The following RBL1 variants were observed in gnomAD, a reference collection of about 807,000 sequenced individuals.
RBL1 encodes the protein retinoblastoma-like protein 1.
RBL1 carries 82 observed loss-of-function variants against 123.0 expected under a neutral mutation model. The ratio of observed to expected loss-of-function variants is 0.67; its 90% confidence interval spans 0.56 to 0.80. RBL1 has a LOEUF of 0.80. RBL1 is among the 30% of genes least tolerant of loss of function. The pLI is 0.00. For missense variants in RBL1, 1,171 were observed against 1,299.6 expected, an observed-to-expected ratio of 0.90 and a Z score of 1.52; for synonymous variants, 405 against 441.3, an observed-to-expected ratio of 0.92 and a Z score of 1.03.
chr20:37,067,335 T>C (rs754989664), intron 3 of RBL1, 38 bp from the exon 4 acceptor site: 2 of 1,418,112 alleles, frequency 1.4e-6, no homozygotes, highest in South Asian at 1.2e-5. Context: ...TCTGACTAGC[T>C]CGCTAAATAT....
chr20:37,083,328 C>T (rs937422151), intron 2 of RBL1, among the ~76,000 whole-genome samples: 38 of 151,226 alleles, frequency 2.5e-4, no homozygotes, highest in Non-Finnish European at 3.2e-4. Flanking sequence ...ATTACCTGAG[C>T]GTGATGAAAT....
Position 37,094,299 on chromosome 20 carries a change from C to T in RBL1, c.156+1474G>A, listed in dbSNP as rs143104094. Among the ~76,000 whole-genome samples, 234 of 152,282 alleles carry T rather than the reference C, an allele frequency of 1.5e-3. 1 individual carries two copies. The highest frequency in any genetic ancestry group is 5.4e-3 in the African/African-American group (223 of 41,554). ...AAAATCAATCTGTTTTCAATTGAGA[C>T]GCCATTCATTCTAATCTCCCTTACT... On this transcript the variant is annotated intron_variant, in intron 1 of 21. Transcript: ENST00000373664.
At position 37,047,121 on chromosome 20, in the gene RBL1, A is replaced by T. The variant is rs1171049682; in HGVS notation, c.1537T>A (p.Tyr513Asn). 6.2e-7 allele frequency: 1 copy of T among 1,606,950 alleles called. No individual in the cohort carries two copies. Among genetic ancestry groups the T allele is most frequent in the African/African-American group, 1.3e-5 (1 of 74,484 alleles). The change falls in exon 12 of 22, where the codon TAT (tyrosine) becomes AAT (asparagine). Residue 513 changes from tyrosine (Y) to asparagine (N), a missense_variant. Coordinates refer to ENST00000373664, the MANE Select transcript of RBL1 (RefSeq NM_002895.5). ...CAAGGAAAAGTACGAGGTGAGCTAT[A>T]GGCAAAGAGCACAATTTCCAAACAA... ...ACCLEIVLFA[Y>N]SSPRTFPWII...
At chr20:37,049,754 T>A in intron 11 of RBL1, 1 of 542,530 alleles carries the variant, frequency 1.8e-6, no homozygotes, top group East Asian at 3.0e-5. Context: ...TAAAAAAATT[T>A]AAAATATTTT....
chr20:37,031,368 T>G (rs150199401), intron 16 of RBL1, among the ~76,000 whole-genome samples: 1 of 151,974 alleles, frequency 6.6e-6, no homozygotes, highest in East Asian at 1.9e-4. Flanking sequence ...AAACTCATAA[T>G]TAAAAAAATG....
At position 37,056,251 on chromosome 20, in the gene RBL1, CACA is replaced by C; in HGVS notation, c.1255_1257del (p.Cys419del). 6.3e-7 allele frequency: 1 copy of C among 1,597,726 alleles called. No homozygotes were observed. The highest frequency in any genetic ancestry group is 8.5e-7 in the Non-Finnish European group (1 of 1,175,078). ...ATAATGTTTTCCACAGGATTACGCA[CACA>C]AGATCTACAAAATACAAGAGGAACC... On this transcript the variant is annotated inframe_deletion, in exon 10 of 22. Transcript: ENST00000373664.
chr20:37,090,057 C>A (rs1041369809), intron 1 of RBL1, among the ~76,000 whole-genome samples: 1 of 151,932 alleles, frequency 6.6e-6, no homozygotes, highest in Non-Finnish European at 1.5e-5. Context: ...GTCACACACA[C>A]AAAAAAGATT....
At chr20:37,050,898 A>G (rs2064899592) in intron 11 of RBL1, among the ~76,000 whole-genome samples, 1 of 152,210 alleles carries the variant, frequency 6.6e-6, no homozygotes, top group South Asian at 2.1e-4. Flanking sequence ...GGGAATGAGA[A>G]TGTCACTGGA....
At position 37,062,645 on chromosome 20, in the gene RBL1, C is replaced by CAAAA. The variant is rs60370479; in HGVS notation, c.897-379_897-376dup. Reference sequence around the variant, plus strand: ...CTGGCAACAGAACAAGACTCTGTCTCAAAAAAAAAAAAAAAAAAAAAAAAA... The same window carrying CAAAA: ...CTGGCAACAGAACAAGACTCTGTCTCAAAAAAAAAAAAAAAAAAAAAAAAAAAAA... On this transcript the variant is annotated intron_variant, in intron 7 of 21. Transcript: ENST00000373664. Among the ~76,000 whole-genome samples, 294 of 40,074 alleles carry CAAAA rather than the reference C, an allele frequency of 7.3e-3. 42 individuals carry two copies. Among genetic ancestry groups the CAAAA allele is most frequent in the African/African-American group, 0.027 (266 of 9,804 alleles). The allele number at this position is 40,074 out of a possible 152,430, so 26.3% of individuals were successfully genotyped here. A position where few individuals can be genotyped will look rare whatever the true frequency, so the allele number is the denominator to read the frequency against.
chr20:37,078,473 G>A (rs926225395), intron 2 of RBL1, among the ~76,000 whole-genome samples: 2 of 152,004 alleles, frequency 1.3e-5, no homozygotes, highest in Admixed American at 6.6e-5. Context: ...TTCTAATAAC[G>A]GGAGTCTACC....
chr20:37,081,605 G>A (rs1458773484), intron 2 of RBL1, among the ~76,000 whole-genome samples: 1 of 152,198 alleles, frequency 6.6e-6, no homozygotes, highest in Non-Finnish European at 1.5e-5. Context: ...GCTGCAGTGA[G>A]CTATGATCAT....
In RBL1 at chr20:37,047,036, C is replaced by T. The variant is rs1449849598; in HGVS notation, c.1605+17G>A. 6.4e-7 allele frequency: 1 copy of T among 1,571,346 alleles called. No individual in the cohort carries two copies. The highest frequency in any genetic ancestry group is 1.4e-5 in the African/African-American group (1 of 72,224). ...ACACTGTTTTCATCTCATAACAGAA[C>T]TTTGTTTTCATCTCACCTTATAAAA... On this transcript the variant is annotated intron_variant, in intron 12 of 21. Coordinates refer to ENST00000373664, the MANE Select transcript of RBL1 (RefSeq NM_002895.5).
At chr20:37,018,594 TA>T (rs1428675330) in intron 18 of RBL1, among the ~76,000 whole-genome samples, 1 of 152,204 alleles carries the variant, frequency 6.6e-6, no homozygotes, top group African/African-American at 2.4e-5. Context: ...GCTTAGTTTA[TA>T]AAACAGAAGA....
Position 37,044,084 on chromosome 20 carries a change from A to C in RBL1, c.1770+2T>G, listed in dbSNP as rs1197797989. On this transcript the variant is annotated splice_donor_variant, in intron 13 of 21. Transcript: ENST00000373664. LOFTEE classifies it high-confidence loss of function. ...ACGATTATCAGCCTTGCCCAGACTC[A>C]CTTCTTCACAGGTAGGAACTTTGTT... is the stretch of plus-strand genomic sequence containing the variant. 6.3e-7 allele frequency: 1 copy of C among 1,576,886 alleles called. No individual in the cohort carries two copies. The highest frequency in any genetic ancestry group is 8.6e-7 in the Non-Finnish European group (1 of 1,164,092).
At chr20:37,047,252 T>C in intron 11 of RBL1, 62 bp from the exon 12 acceptor site, 3 of 1,526,176 alleles carry the variant, frequency 2.0e-6, no homozygotes, top group Non-Finnish European at 2.6e-6. Context: ...TGCCATTCCA[T>C]AAAGAAACCT....
intron 2 of RBL1, among the ~76,000 whole-genome samples, chr20:37,077,910 T>C (rs964491712): frequency 6.6e-6 from 1 of 152,202 alleles, no homozygotes; most frequent in African/African-American, 2.4e-5. Context: ...ATTGTCCAAA[T>C]GTTCTTTCGG....
intron 15 of RBL1, 62 bp from the exon 16 acceptor site, chr20:37,032,938 T>C: frequency 6.3e-7 from 1 of 1,587,090 alleles, no homozygotes; most frequent in Non-Finnish European, 8.6e-7. Context: ...GTCAACTATA[T>C]ATATTTTGAC....
At chr20:37,055,771 G>A (rs140842779) in intron 10 of RBL1, 115 bp from the exon 11 acceptor site, 43 of 1,039,232 alleles carry the variant, frequency 4.1e-5, no homozygotes, top group East Asian at 2.7e-4. Flanking sequence ...AGGGCAGGCC[G>A]GGAATGGTGG....
chr20:37,064,692 C>A (rs190457460), intron 7 of RBL1, among the ~76,000 whole-genome samples: 68 of 152,236 alleles, frequency 4.5e-4, no homozygotes, highest in Non-Finnish European at 8.5e-4. Flanking sequence ...TCACTGCAGC[C>A]TCTGCCTCCT....
Sources: gnomAD v4.1 joint callset for allele counts (sites outside exome capture counted in the v4.1 genomes callset) on GRCh38, gnomAD v4.1.1 for gene constraint, MANE v1.5 for transcripts, NCBI Gene and HGNC (gene_info 2026-07-23, HGNC 2026-07-21) for gene names.